The following PARD3 variants were observed in gnomAD, a reference collection of about 807,000 sequenced individuals.
The protein encoded by PARD3 is par-3 family cell polarity regulator.
In PARD3, 75 loss-of-function variants were observed where a neutral mutation model predicts 155.4. That is an observed-to-expected ratio of 0.48 (90% CI 0.40 to 0.58). PARD3 has a LOEUF of 0.58. Among genes scored for constraint, PARD3 ranks in the 20% least tolerant of loss-of-function variants. The pLI is 0.00. For missense variants in PARD3, 1,642 were observed against 1,721.7 expected (o/e 0.95, Z 0.82); for synonymous variants, 576 against 610.5 (o/e 0.94, Z 0.83).
intron 22 of PARD3, among the ~76,000 whole-genome samples, chr10:34,181,865 T>G (rs1002192871): frequency 4.6e-5 from 7 of 152,044 alleles, no homozygotes; most frequent in African/African-American, 1.7e-4. Flanking sequence ...CAGTCCCAAA[T>G]TTTAACATCA....
At chr10:34,652,326 T>C (rs1014779466) in intron 2 of PARD3, among the ~76,000 whole-genome samples, 1 of 152,202 alleles carries the variant, frequency 6.6e-6, no homozygotes, top group South Asian at 2.1e-4. Flanking sequence ...ACAGAGGCTA[T>C]TGGCTGAGAT....
rs1313938535 is a variant in PARD3 at position 34,377,905 on chromosome 10, T to G, written c.1539+62A>C. 5 of 1,315,434 alleles carry G rather than the reference T, an allele frequency of 3.8e-6. No homozygotes were observed. In the South Asian group the frequency reaches 6.9e-5, roughly 18 times the overall value. The allele number at this position is 1,315,434 out of a possible 1,614,324, so 81.5% of individuals were successfully genotyped here. A position where few individuals can be genotyped will look rare whatever the true frequency, so the allele number is the denominator to read the frequency against. On this transcript the variant is annotated intron_variant, in intron 10 of 24. Coordinates refer to ENST00000374788, the MANE Select transcript of PARD3 (RefSeq NM_001184785.2). ...TATTTTATGAAAATGTTTTTAAAAG[T>G]TGGCTCCTGGAAATGGAACATTTCA...
chr10:34,477,956 G>T (rs2078822134), intron 3 of PARD3, among the ~76,000 whole-genome samples: 1 of 152,166 alleles, frequency 6.6e-6, no homozygotes, highest in African/African-American at 2.4e-5. Flanking sequence ...ATGCTGTGGG[G>T]ATACAAACCT....
At chr10:34,660,553 G>C (rs1590467348) in intron 2 of PARD3, among the ~76,000 whole-genome samples, 2 of 152,178 alleles carry the variant, frequency 1.3e-5, no homozygotes, top group African/African-American at 4.8e-5. Flanking sequence ...GTACACAGCA[G>C]CCCTCATCAC....
At chr10:34,564,104 C>T (rs559183759) in intron 2 of PARD3, among the ~76,000 whole-genome samples, 3 of 152,226 alleles carry the variant, frequency 2.0e-5, no homozygotes, top group South Asian at 2.1e-4. Context: ...CTAGCACCTT[C>T]GAATACTGAC....
At position 34,733,624 on chromosome 10, in the gene PARD3, C is replaced by G. The variant is rs769960407; in HGVS notation, c.121-37205G>C. 1.3e-3 allele frequency among the ~76,000 whole-genome samples: 203 copies of G among 152,324 alleles called. 2 individuals are homozygous for G. Among genetic ancestry groups the G allele is most frequent in the Non-Finnish European group, 5.7e-4 (39 of 68,044 alleles). On this transcript the variant is annotated intron_variant, in intron 1 of 24. Coordinates refer to ENST00000374788, the MANE Select transcript of PARD3 (RefSeq NM_001184785.2). ...TCAGCCTCCCAAGCAGCTGAGATTA[C>G]AGGCGTGTGCCACCAAACCCAGCTA... is the stretch of plus-strand genomic sequence containing the variant.
chr10:34,265,447 C>A (rs992173680), intron 22 of PARD3, among the ~76,000 whole-genome samples: 25 of 152,154 alleles, frequency 1.6e-4, no homozygotes, highest in African/African-American at 5.1e-4. Flanking sequence ...AACACTGCTT[C>A]CTTACTGAAC....
At chr10:34,565,850 T>C (rs1564849911) in intron 2 of PARD3, among the ~76,000 whole-genome samples, 1 of 152,224 alleles carries the variant, frequency 6.6e-6, no homozygotes, top group Non-Finnish European at 1.5e-5. Flanking sequence ...TGGTGATAAT[T>C]GGCTTTTCAT....
intron 22 of PARD3, among the ~76,000 whole-genome samples, chr10:34,133,168 G>A (rs1047357804): frequency 3.9e-5 from 6 of 152,142 alleles, no homozygotes; most frequent in African/African-American, 9.7e-5. Context: ...CACTGGGCTG[G>A]TTAACACTTA....
At chr10:34,665,210 T>A (rs893959004) in intron 2 of PARD3, among the ~76,000 whole-genome samples, 20 of 152,068 alleles carry the variant, frequency 1.3e-4, no homozygotes, top group African/African-American at 4.8e-4. Flanking sequence ...TAGGGGATAA[T>A]CATACTAAAA....
chr10:34,622,726 A>C (rs1365856117), intron 2 of PARD3, among the ~76,000 whole-genome samples: 1 of 152,086 alleles, frequency 6.6e-6, no homozygotes, highest in African/African-American at 2.4e-5. Context: ...AAAACAAGAT[A>C]ATTTTGTTAG....
chr10:34,272,796 CA>C (rs1277755008), intron 21 of PARD3, among the ~76,000 whole-genome samples: 1 of 151,922 alleles, frequency 6.6e-6, no homozygotes, highest in Non-Finnish European at 1.5e-5. Context: ...GAAAACAATC[CA>C]ATTAGAAAAT....
chr10:34,351,200 A>G (rs898332176), intron 14 of PARD3, among the ~76,000 whole-genome samples: 1 of 152,218 alleles, frequency 6.6e-6, no homozygotes, highest in Non-Finnish European at 1.5e-5. Flanking sequence ...CAACAAACCT[A>G]AAACTGGATT....
At chr10:34,351,184 C>G (rs1432323518) in intron 14 of PARD3, among the ~76,000 whole-genome samples, 1 of 152,170 alleles carries the variant, frequency 6.6e-6, no homozygotes, top group Non-Finnish European at 1.5e-5. Context: ...GGCCTTAAAC[C>G]CCCTTCAACA....
chr10:34,580,942 T>G (rs1323431834), intron 2 of PARD3, among the ~76,000 whole-genome samples: 1 of 152,248 alleles, frequency 6.6e-6, no homozygotes, highest in Admixed American at 6.5e-5. Context: ...TTACATGGTC[T>G]AACACATTAA....
chr10:34,374,266 A>G (rs1840993120), intron 11 of PARD3, among the ~76,000 whole-genome samples: 1 of 152,188 alleles, frequency 6.6e-6, no homozygotes, highest in African/African-American at 2.4e-5. Flanking sequence ...GTATGTATGG[A>G]AAGTGAAGGA....
chr10:34,676,356 A>AG (rs924644130), intron 2 of PARD3, among the ~76,000 whole-genome samples: 21 of 152,250 alleles, frequency 1.4e-4, no homozygotes, highest in Middle Eastern at 6.8e-3. Flanking sequence ...TTCCTGCTTG[A>AG]GGGGGAAAAA....
chr10:34,318,174 G>A (rs77856442), intron 19 of PARD3, among the ~76,000 whole-genome samples: 4,097 of 152,202 alleles, frequency 0.027, 174 homozygotes, highest in African/African-American at 0.094. Flanking sequence ...ACTTTTTGCA[G>A]TTGAAAGAAC....
intron 4 of PARD3, among the ~76,000 whole-genome samples, chr10:34,456,427 G>A (rs1049191758): frequency 6.6e-6 from 1 of 152,076 alleles, no homozygotes; most frequent in African/African-American, 2.4e-5. Flanking sequence ...CTCCCGAGTA[G>A]CTGGGATTAC....
Sources: gnomAD v4.1 joint callset for allele counts (sites outside exome capture counted in the v4.1 genomes callset) on GRCh38, gnomAD v4.1.1 for gene constraint, MANE v1.5 for transcripts, NCBI Gene and HGNC (gene_info 2026-07-23, HGNC 2026-07-21) for gene names.